Variants in AURKA observed in about 807,000 individuals in gnomAD.
The protein encoded by AURKA is aurora kinase A.
Under a neutral mutation model 40.9 loss-of-function variants are expected in AURKA, and 12 were observed. The ratio of observed to expected loss-of-function variants is 0.29; its 90% CI spans 0.19 to 0.48. AURKA has a LOEUF of 0.48. Ranked by LOEUF, AURKA falls within the 20% of genes least tolerant of loss-of-function variation. The pLI is 0.99. For synonymous variants in AURKA, 170 were observed against 164.3 expected (o/e 1.03, Z -0.26); for missense variants, 322 against 462.1 (o/e 0.70, Z 2.78).
intron 3 of AURKA, 132 bp from the exon 4 acceptor site, chr20:56,384,456 TTTTTTAAAG>T: frequency 1.4e-6 from 1 of 708,070 alleles, no homozygotes. Context: ...TCTGTTTTTT[TTTTTTAAAG>T]TTTTCCTTAT....
chr20:56,385,860 T>C (rs1010357305), intron 3 of AURKA, among the ~76,000 whole-genome samples: 5 of 152,168 alleles, frequency 3.3e-5, no homozygotes, highest in African/African-American at 9.7e-5. Flanking sequence ...TTCCTTAACA[T>C]GGCCAGCAAT....
At chr20:56,378,477 T>C (rs1985243295) in intron 6 of AURKA, among the ~76,000 whole-genome samples, 1 of 152,154 alleles carries the variant, frequency 6.6e-6, no homozygotes, top group Non-Finnish European at 1.5e-5. Flanking sequence ...AGACTGACAG[T>C]TCCTCACAAA....
rs781474634 is a variant in AURKA at position 56,386,431 on chromosome 20, A to C, written c.145T>G (p.Cys49Gly). The change falls in exon 3 of 9, where the codon TGT becomes GGT. Residue 49 changes from cysteine to glycine, a missense_variant. Physicochemically the swap from Cys to Gly is radical, Grantham distance 159. Transcript: ENST00000395915. ...ATGCGCTGGGAAGAATTTGAAGGAC[A>C]CAAGACCCGCTGAGCCTGGCCACTA... Reference protein sequence around the residue: ...VNSGQAQRVLCPSNSSQRIPL... With the variant: ...VNSGQAQRVLGPSNSSQRIPL... The C allele has an allele frequency of 3.1e-6, 5 of 1,614,216 alleles. No homozygotes were observed. The Admixed American group carries it at 6.7e-5, about 22-fold the overall frequency.
In AURKA at chr20:56,370,085, T is replaced by G; in HGVS notation, c.*73A>C. ...TTGAGGGCAGCAGTCAATGGTAAAA[T>G]AAACTTCAGTAGCATGTTCCTGTCA... On this transcript the variant is annotated 3_prime_UTR_variant, in exon 9 of 9. Coordinates refer to ENST00000395915, the MANE Select transcript of AURKA (RefSeq NM_198437.3). The G allele has an allele frequency of 6.4e-7, 1 of 1,570,214 alleles. No homozygotes were observed. The highest frequency in any genetic ancestry group is 8.8e-7 in the Non-Finnish European group (1 of 1,142,384).
intron 7 of AURKA, among the ~76,000 whole-genome samples, chr20:56,372,568 G>A (rs1984404232): frequency 6.9e-6 from 1 of 145,920 alleles, no homozygotes; most frequent in Non-Finnish European, 1.5e-5. Flanking sequence ...TGCAATAGCA[G>A]ATTCAGTGCA....
In AURKA at chr20:56,384,251, T is replaced by C; in HGVS notation, c.374+19A>G. The C allele has an allele frequency of 6.3e-7, 1 of 1,583,830 alleles. No individual in the cohort carries two copies. Among genetic ancestry groups the C allele is most frequent in the South Asian group, 1.1e-5 (1 of 90,378 alleles). On this transcript the variant is annotated intron_variant, in intron 4 of 8. Coordinates refer to ENST00000395915, the MANE Select transcript of AURKA (RefSeq NM_198437.3). ...ATTCTAGTAGAACAGTACAGAACTT[T>C]GTAAATAAGAAAGCTTACTTTTTTG...
At position 56,373,475 on chromosome 20, in the gene AURKA, G is replaced by GT; in HGVS notation, c.786dup (p.Leu263ThrfsTer9). ...TTAAGCTCTCCAGCTGATCCAAGAA[G>GT]TAAGTTCTCTGGCTTAATGTCTCTA... On this transcript the variant is annotated frameshift_variant, in exon 7 of 9. Coordinates refer to ENST00000395915, the MANE Select transcript of AURKA (RefSeq NM_198437.3). LOFTEE classifies it high-confidence loss of function. This position sits in a 1 kb window ranked among gnomAD's most constrained non-coding sequence, Gnocchi z 5.0. 1 of 1,614,194 alleles carries GT rather than the reference G, an allele frequency of 6.2e-7. No homozygotes were observed. Among genetic ancestry groups the GT allele is most frequent in the Non-Finnish European group, 8.5e-7 (1 of 1,180,036 alleles).
At chr20:56,389,435 T>C (rs1244076588) in intron 1 of AURKA, among the ~76,000 whole-genome samples, 1 of 152,088 alleles carries the variant, frequency 6.6e-6, no homozygotes, top group Non-Finnish European at 1.5e-5. Flanking sequence ...CCTTCTCCAC[T>C]TCTCACCTCC....
At chr20:56,376,213 A>G (rs536130733) in intron 6 of AURKA, among the ~76,000 whole-genome samples, 2 of 152,378 alleles carry the variant, frequency 1.3e-5, no homozygotes, top group South Asian at 4.1e-4. Context: ...TTACCAGGAA[A>G]AAAACCAAGG....
intron 6 of AURKA, among the ~76,000 whole-genome samples, chr20:56,377,719 G>A (rs138726487): frequency 1.3e-4 from 20 of 152,114 alleles, no homozygotes; most frequent in Non-Finnish European, 2.2e-4. Flanking sequence ...CCCAAGAGGC[G>A]GAGGTTGCAG....
At chr20:56,375,793 T>G (rs1408878307) in intron 6 of AURKA, among the ~76,000 whole-genome samples, 1 of 152,204 alleles carries the variant, frequency 6.6e-6, no homozygotes, top group East Asian at 1.9e-4. Context: ...TCAAATCACT[T>G]CCAGACAAGA....
chr20:56,386,022 G>A (rs1028175505), intron 3 of AURKA, among the ~76,000 whole-genome samples: 2 of 152,176 alleles, frequency 1.3e-5, no homozygotes, highest in Non-Finnish European at 2.9e-5. Flanking sequence ...AATTTATGCT[G>A]TGTCCTCCCT....
chr20:56,388,281 G>A, intron 1 of AURKA, 79 bp from the exon 2 acceptor site: 1 of 1,305,204 alleles, frequency 7.7e-7, no homozygotes, highest in Non-Finnish European at 1.1e-6. Context: ...CAGCGTTACA[G>A]TTCCCCAATC....
In AURKA at chr20:56,375,310, T is replaced by TC. The variant is rs1236716740; in HGVS notation, c.706-1755_706-1754insG. On this transcript the variant is annotated intron_variant, in intron 6 of 8. Transcript: ENST00000395915. ...GCCCAGCTAATTTTTAATCTTTCTT[T>TC]TTTTTTTTTTTTTTTTTGTAGAGAC... Among the ~76,000 whole-genome samples the TC allele has an allele frequency of 4.8e-5, 7 of 145,282 alleles. No individual in the cohort carries two copies. The East Asian group carries it at 1.4e-3, about 29-fold the overall frequency.
Position 56,373,583 on chromosome 20 carries a change from G to C in AURKA, c.706-27C>G, listed in dbSNP as rs754381697. 2 of 1,610,360 alleles carry C rather than the reference G, an allele frequency of 1.2e-6. No homozygotes were observed. The highest frequency in any genetic ancestry group is 2.2e-5 in the South Asian group (2 of 91,006). On this transcript the variant is annotated intron_variant, in intron 6 of 8. Coordinates refer to ENST00000395915, the MANE Select transcript of AURKA (RefSeq NM_198437.3). This position sits in a 1 kb window ranked among gnomAD's most constrained non-coding sequence, Gnocchi z 5.0. ...TGTTAAAACAATATTGAAAGCCTAT[G>C]TTTTAGATTTTATATAACACAAGTT...
chr20:56,384,106 C>T (rs1022899173), intron 4 of AURKA, among the ~76,000 whole-genome samples, 164 bp downstream of exon 4: 5 of 152,118 alleles, frequency 3.3e-5, no homozygotes, highest in African/African-American at 1.2e-4. Context: ...TACCTCATTA[C>T]ACAAAATTCC....
At chr20:56,389,974 C>A (rs866552252) in intron 1 of AURKA, among the ~76,000 whole-genome samples, 2 of 152,208 alleles carry the variant, frequency 1.3e-5, no homozygotes, top group Non-Finnish European at 1.5e-5. Context: ...CACTTCCACC[C>A]TTACCCTGTC....
chr20:56,377,092 A>G (rs1985026033), intron 6 of AURKA, among the ~76,000 whole-genome samples: 2 of 151,822 alleles, frequency 1.3e-5, no homozygotes, highest in South Asian at 4.2e-4. Context: ...CTCAAAAAAA[A>G]CAACCTGGGC....
rs1249080586 is a variant in AURKA at position 56,373,684 on chromosome 20, C to T, written c.706-128G>A. ...TGCAGGTTTTGGCCAGGCACAGTGG[C>T]TCACACCTATAATCCCAACACTTTG... On this transcript the variant is annotated intron_variant, in intron 6 of 8. Coordinates refer to ENST00000395915, the MANE Select transcript of AURKA (RefSeq NM_198437.3). The surrounding 1 kb of genome is among the most constrained non-coding windows in gnomAD (Gnocchi z 5.0). 7.5e-6 allele frequency: 8 copies of T among 1,068,314 alleles called. No homozygotes were observed. Among genetic ancestry groups the T allele is most frequent in the Non-Finnish European group, 1.1e-5 (8 of 725,046 alleles). 66.2% of individuals were successfully genotyped at this position (1,068,314 alleles called of 1,614,324 possible). A position where few individuals can be genotyped will look rare whatever the true frequency, so the allele number is the denominator to read the frequency against.
Sources: gnomAD v4.1 joint callset for allele counts (sites outside exome capture counted in the v4.1 genomes callset) on GRCh38, gnomAD v4.1.1 for gene constraint, Gnocchi (gnomAD v3.1) non-coding constraint, MANE v1.5 for transcripts, NCBI Gene and HGNC (gene_info 2026-07-23, HGNC 2026-07-21) for gene names.